The following GRIA2 variants were observed in gnomAD, a reference collection of about 807,000 sequenced individuals.
GRIA2 encodes glutamate receptor 2.
Under a neutral mutation model 97.3 loss-of-function variants are expected in GRIA2, and 14 were observed. The ratio of observed to expected loss-of-function variants is 0.14; its 90% CI spans 0.10 to 0.23. GRIA2 has a LOEUF of 0.23. GRIA2 is among the 10% of genes least tolerant of loss of function. GRIA2 has a pLI of 1.00. For synonymous variants in GRIA2, 412 were observed against 387.8 expected (o/e 1.06, Z -0.73); for missense variants, 558 against 1,069.8 (o/e 0.52, Z 6.67).
intron 11 of GRIA2, among the ~76,000 whole-genome samples, chr4:157,337,996 G>GTGTA (rs1223274144): frequency 7.9e-6 from 1 of 126,084 alleles, no homozygotes; most frequent in Non-Finnish European, 1.6e-5. Flanking sequence ...ACATATGTGT[G>GTGTA]TATATATATG....
intron 6 of GRIA2, among the ~76,000 whole-genome samples, chr4:157,329,974 A>G (rs1449012557): frequency 6.6e-6 from 1 of 151,964 alleles, no homozygotes. Context: ...GGGTAAAATG[A>G]AAGTTTATAA....
chr4:157,257,403 A>G (rs1380328074), intron 2 of GRIA2, among the ~76,000 whole-genome samples: 1 of 152,046 alleles, frequency 6.6e-6, no homozygotes, highest in Admixed American at 6.6e-5. Flanking sequence ...GAAAAAGTGA[A>G]TGTGTCTTAA....
Position 157,360,930 on chromosome 4 carries a change from GA to G in GRIA2, c.2292-75del, listed in dbSNP as rs942622334. ...GACAAGAGTTGCCACAGAAGCCAAA[GA>G]AAAACAAATTAAAACAAAACAAACA... On this transcript the variant is annotated intron_variant, in intron 13 of 15. Transcript: ENST00000264426. 6.5e-6 allele frequency: 7 copies of G among 1,073,108 alleles called. No individual in the cohort carries two copies. The African/African-American group carries it at 9.6e-5, about 15-fold the overall frequency. 66.5% of individuals were successfully genotyped at this position (1,073,108 alleles called of 1,614,324 possible).
intron 2 of GRIA2, among the ~76,000 whole-genome samples, chr4:157,234,426 C>T (rs1730153862): frequency 6.6e-6 from 1 of 152,132 alleles, no homozygotes; most frequent in South Asian, 2.1e-4. Flanking sequence ...TGAACATGTA[C>T]ATTTTACAAG....
intron 14 of GRIA2, among the ~76,000 whole-genome samples, 157 bp from the exon 15 acceptor site, chr4:157,362,642 T>G (rs937948603): frequency 2.6e-5 from 4 of 152,154 alleles, no homozygotes; most frequent in African/African-American, 9.6e-5. Flanking sequence ...GTAGCTGTTA[T>G]GAAAATGGAC....
rs1308760338 is a variant in GRIA2 at position 157,365,937 on chromosome 4, T to C, written c.*2506T>C. On this transcript the variant is annotated 3_prime_UTR_variant, in exon 16 of 16. Transcript: ENST00000264426. ...CACTTTCTATAACTTCTATTGAAGA[T>C]ATTGGAATTTCCAATTTTTCATGTG... 1.3e-5 allele frequency: 2 copies of C among 151,686 alleles called. No individual in the cohort carries two copies. The highest frequency in any genetic ancestry group is 1.3e-4 in the Admixed American group (2 of 15,168). 9.4% of individuals were successfully genotyped at this position (151,686 alleles called of 1,614,324 possible).
intron 6 of GRIA2, among the ~76,000 whole-genome samples, chr4:157,327,568 A>G (rs904586177): frequency 1.3e-5 from 2 of 152,112 alleles, no homozygotes; most frequent in African/African-American, 2.4e-5. Context: ...GAATATTTCT[A>G]TTTTTAGACT....
intron 12 of GRIA2, among the ~76,000 whole-genome samples, 173 bp downstream of exon 12, chr4:157,341,635 C>T (rs1240484771): frequency 1.3e-5 from 2 of 152,006 alleles, no homozygotes; most frequent in Non-Finnish European, 2.9e-5. Context: ...TACTTCGGTC[C>T]AGCTCTAGTT....
chr4:157,362,389 T>C, intron 14 of GRIA2: 1 of 457,430 alleles, frequency 2.2e-6, no homozygotes, highest in Non-Finnish European at 4.4e-6. Flanking sequence ...GCTTCTACAA[T>C]CACACGTATG....
At chr4:157,310,719 G>A (rs1364599446) in intron 3 of GRIA2, among the ~76,000 whole-genome samples, 1 of 151,984 alleles carries the variant, frequency 6.6e-6, no homozygotes, top group Non-Finnish European at 1.5e-5. Context: ...AAATAAAAAT[G>A]AGATCCATAT....
chr4:157,362,379 G>C (rs1736667825), intron 14 of GRIA2: 2 of 456,808 alleles, frequency 4.4e-6, no homozygotes, highest in African/African-American at 2.0e-5. Context: ...TTTAAAACTT[G>C]CTTCTACAAT....
intron 2 of GRIA2, among the ~76,000 whole-genome samples, chr4:157,236,422 G>C (rs1730248824): frequency 6.6e-6 from 1 of 151,970 alleles, no homozygotes; most frequent in Admixed American, 6.6e-5. Flanking sequence ...TCGGAGTTCT[G>C]CTTTTATGTG....
chr4:157,327,701 A>G (rs1224573193), intron 6 of GRIA2, among the ~76,000 whole-genome samples: 1 of 152,116 alleles, frequency 6.6e-6, no homozygotes, highest in Non-Finnish European at 1.5e-5. Context: ...TAAGGAATTC[A>G]ACAATAATCT....
intron 6 of GRIA2, among the ~76,000 whole-genome samples, chr4:157,328,872 A>G (rs1560768485): frequency 6.6e-6 from 1 of 152,044 alleles, no homozygotes; most frequent in African/African-American, 2.4e-5. Flanking sequence ...GGAGAATAAT[A>G]AAAGATGTTA....
chr4:157,264,890 C>G (rs571799817), intron 2 of GRIA2, among the ~76,000 whole-genome samples: 52 of 152,212 alleles, frequency 3.4e-4, no homozygotes, highest in Non-Finnish European at 5.9e-5. Flanking sequence ...CGCTCTCTCT[C>G]TCTCACCCAC....
chr4:157,277,846 GTATATATGTA>G (rs1303617879), intron 2 of GRIA2, among the ~76,000 whole-genome samples: 6 of 141,926 alleles, frequency 4.2e-5, no homozygotes, highest in East Asian at 4.1e-4. Context: ...ATATATATAT[GTATATATGTA>G]TATATATGTA....
intron 2 of GRIA2, among the ~76,000 whole-genome samples, chr4:157,249,043 C>G (rs572726678): frequency 3.3e-5 from 5 of 151,962 alleles, no homozygotes; most frequent in Admixed American, 1.3e-4. Flanking sequence ...CTATGTTGCC[C>G]GGCCTGCTCT....
At chr4:157,310,848 A>G (rs1055177047) in intron 3 of GRIA2, among the ~76,000 whole-genome samples, 5 of 152,056 alleles carry the variant, frequency 3.3e-5, no homozygotes, top group African/African-American at 1.2e-4. Context: ...TATATGCCCT[A>G]TAACTTGGTA....
At chr4:157,347,872 TC>T (rs1430167898) in intron 12 of GRIA2, among the ~76,000 whole-genome samples, 1 of 152,204 alleles carries the variant, frequency 6.6e-6, no homozygotes, top group African/African-American at 2.4e-5. Context: ...ATGCCTGTAA[TC>T]CCAACACTTT....
Sources: gnomAD v4.1 joint callset for allele counts (sites outside exome capture counted in the v4.1 genomes callset) on GRCh38, gnomAD v4.1.1 for gene constraint, MANE v1.5 for transcripts, NCBI Gene and HGNC (gene_info 2026-07-23, HGNC 2026-07-21) for gene names.